GABRB1: variants seen among roughly 807,000 people sequenced by gnomAD.
GABRB1 encodes gamma-aminobutyric acid receptor subunit beta-1.
A neutral mutation model predicts 51.6 loss-of-function variants in GABRB1; 17 were observed. The ratio of observed to expected loss-of-function variants is 0.33; its 90% CI spans 0.23 to 0.49. GABRB1 has a LOEUF of 0.49. GABRB1 is among the 20% of genes least tolerant of loss of function. The pLI is 0.99. For synonymous variants in GABRB1, 247 were observed against 218.9 expected, an observed-to-expected ratio of 1.13 and a Z score of -1.14; for missense variants, 410 against 600.6, an observed-to-expected ratio of 0.68 and a Z score of 3.32.
chr4:47,001,186 A>G (rs1305085201), intron 1 of GABRB1, among the ~76,000 whole-genome samples: 2 of 152,112 alleles, frequency 1.3e-5, no homozygotes, highest in Non-Finnish European at 2.9e-5. Flanking sequence ...TCTGTCGCCC[A>G]GGCTGGAGTA....
intron 1 of GABRB1, among the ~76,000 whole-genome samples, chr4:46,995,363 T>C (rs1723958600): frequency 6.6e-6 from 1 of 152,162 alleles, no homozygotes; most frequent in Admixed American, 6.5e-5. Flanking sequence ...ATCTTAATAC[T>C]TTCCTACCTT....
intron 5 of GABRB1, among the ~76,000 whole-genome samples, chr4:47,326,707 T>C (rs554730861): frequency 3.9e-5 from 6 of 152,278 alleles, no homozygotes; most frequent in Non-Finnish European, 5.9e-5. Flanking sequence ...TTACCTTTTA[T>C]GAACCAGAAA....
intron 3 of GABRB1, among the ~76,000 whole-genome samples, chr4:47,045,968 A>G (rs10000568): frequency 0.014 from 2,167 of 152,110 alleles, 42 homozygotes; most frequent in African/African-American, 0.05. Context: ...CATAAACCCT[A>G]TGTGTTGTGG....
intron 3 of GABRB1, among the ~76,000 whole-genome samples, chr4:47,160,466 C>A (rs971315076): frequency 2.0e-5 from 3 of 152,070 alleles, no homozygotes; most frequent in African/African-American, 7.2e-5. Flanking sequence ...ATGTGTTAAA[C>A]GAGCAGTGTT....
At chr4:47,160,451 C>A (rs536402254) in intron 3 of GABRB1, among the ~76,000 whole-genome samples, 4 of 152,212 alleles carry the variant, frequency 2.6e-5, no homozygotes, top group East Asian at 1.9e-4. Flanking sequence ...AAATTGATAA[C>A]CTTTATGTGT....
At chr4:47,357,238 C>T (rs1417633154) in intron 5 of GABRB1, among the ~76,000 whole-genome samples, 4 of 152,054 alleles carry the variant, frequency 2.6e-5, no homozygotes, top group Non-Finnish European at 2.9e-5. Context: ...AAAGTTAGGG[C>T]GATTAGGAGT....
At chr4:47,244,373 G>T (rs1261076540) in intron 4 of GABRB1, among the ~76,000 whole-genome samples, 1 of 152,092 alleles carries the variant, frequency 6.6e-6, no homozygotes, top group East Asian at 1.9e-4. Context: ...GCCAGGCTTT[G>T]GTATCAGGAT....
intron 3 of GABRB1, among the ~76,000 whole-genome samples, chr4:47,096,931 A>C (rs989619300): frequency 6.6e-6 from 1 of 152,180 alleles, no homozygotes; most frequent in Non-Finnish European, 1.5e-5. Flanking sequence ...TCTAACGCAC[A>C]CACAACTGTA....
intron 5 of GABRB1, among the ~76,000 whole-genome samples, chr4:47,367,734 T>C (rs1727029995): frequency 6.6e-6 from 1 of 152,202 alleles, no homozygotes. Flanking sequence ...ACCAGATTGC[T>C]AGAACAAATA....
chr4:47,145,585 T>C (rs140754004), intron 3 of GABRB1, among the ~76,000 whole-genome samples: 40 of 152,198 alleles, frequency 2.6e-4, no homozygotes, highest in African/African-American at 7.9e-4. Flanking sequence ...ATTTATCTTT[T>C]ATCTTGTGGA....
At chr4:47,169,127 C>T (rs1413378401) in intron 4 of GABRB1, among the ~76,000 whole-genome samples, 1 of 152,136 alleles carries the variant, frequency 6.6e-6, no homozygotes, top group Admixed American at 6.6e-5. Context: ...TGACGAGACA[C>T]AATTCAACCC....
intron 4 of GABRB1, among the ~76,000 whole-genome samples, chr4:47,259,561 G>T (rs1320342059): frequency 6.6e-6 from 1 of 152,054 alleles, no homozygotes; most frequent in Admixed American, 6.6e-5. Context: ...CATTCAGTCT[G>T]CTCAACATCA....
At chr4:47,413,467 A>G (rs1296248569) in intron 8 of GABRB1, among the ~76,000 whole-genome samples, 1 of 152,248 alleles carries the variant, frequency 6.6e-6, no homozygotes, top group Non-Finnish European at 1.5e-5. Flanking sequence ...CAGTTACATT[A>G]ATAATGCAAA....
chr4:47,288,430 T>A lies in GABRB1; in HGVS notation c.462-31697T>A, dbSNP rs1578065773. On this transcript the variant is annotated intron_variant, in intron 4 of 8. Transcript: ENST00000295454. Reference sequence around the variant, plus strand: ...GGTACCTGCCACCACACCTAGCTAATTTTTTGTATTTTTAGTAGAGACTGG... The same window carrying A: ...GGTACCTGCCACCACACCTAGCTAAATTTTTGTATTTTTAGTAGAGACTGG... 2.0e-5 allele frequency among the ~76,000 whole-genome samples: 3 copies of A among 152,020 alleles called. No homozygotes were observed. The South Asian group carries it at 6.2e-4, about 32-fold the overall frequency.
At chr4:47,225,738 T>C (rs564765553) in intron 4 of GABRB1, among the ~76,000 whole-genome samples, 1 of 152,148 alleles carries the variant, frequency 6.6e-6, no homozygotes, top group Non-Finnish European at 1.5e-5. Flanking sequence ...TGGCTATCAT[T>C]GCCTTTTTAA....
intron 1 of GABRB1, among the ~76,000 whole-genome samples, chr4:47,003,570 A>T (rs779526799): frequency 6.6e-6 from 1 of 152,238 alleles, no homozygotes; most frequent in African/African-American, 2.4e-5. Context: ...TGGAGAAAGT[A>T]AATGTCCATA....
chr4:47,350,032 A>G, intron 5 of GABRB1, among the ~76,000 whole-genome samples: 1 of 152,118 alleles, frequency 6.6e-6, no homozygotes, highest in South Asian at 2.1e-4. Flanking sequence ...AATAATCTAT[A>G]CTTTCACAAT....
intron 4 of GABRB1, among the ~76,000 whole-genome samples, chr4:47,312,670 T>C (rs927668101): frequency 2.6e-5 from 4 of 152,194 alleles, no homozygotes; most frequent in Non-Finnish European, 5.9e-5. Context: ...CATTTTTCTT[T>C]CATACAGATT....
At chr4:47,026,015 T>C (rs755758324) in intron 1 of GABRB1, among the ~76,000 whole-genome samples, 3 of 152,076 alleles carry the variant, frequency 2.0e-5, no homozygotes, top group Non-Finnish European at 4.4e-5. Context: ...TTGAGGTGTC[T>C]TCCCTGATAT....
Sources: gnomAD v4.1 joint callset for allele counts (sites outside exome capture counted in the v4.1 genomes callset) on GRCh38, gnomAD v4.1.1 for gene constraint, MANE v1.5 for transcripts, NCBI Gene and HGNC (gene_info 2026-07-23, HGNC 2026-07-21) for gene names.